Variants in PDGFD observed in about 807,000 individuals in gnomAD.
The protein encoded by PDGFD is platelet derived growth factor D.
PDGFD carries 30 observed loss-of-function variants against 44.7 expected under a neutral mutation model. The observed-to-expected ratio is 0.67, with a 90% confidence interval of 0.50 to 0.91. PDGFD has a LOEUF of 0.91. Ranked by LOEUF, PDGFD falls within the 40% of genes least tolerant of loss-of-function variation. The pLI is 0.00. For missense variants in PDGFD, 445 were observed against 457.8 expected, an observed-to-expected ratio of 0.97 and a Z score of 0.25; for synonymous variants, 173 against 168.4, an observed-to-expected ratio of 1.03 and a Z score of -0.21.
chr11:104,039,993 A>G (rs1224524138), intron 1 of PDGFD, among the ~76,000 whole-genome samples: 1 of 152,240 alleles, frequency 6.6e-6, no homozygotes, highest in Admixed American at 6.5e-5. Context: ...CTTCTGAGGT[A>G]GCTATAATGT....
At chr11:104,004,463 T>C (rs763023010) in intron 1 of PDGFD, among the ~76,000 whole-genome samples, 3 of 152,212 alleles carry the variant, frequency 2.0e-5, no homozygotes, top group Non-Finnish European at 4.4e-5. Context: ...ATAGATTATA[T>C]GCAAACAGTA....
At chr11:104,109,708 T>C (rs570402797) in intron 1 of PDGFD, among the ~76,000 whole-genome samples, 21 of 152,234 alleles carry the variant, frequency 1.4e-4, no homozygotes, top group African/African-American at 4.8e-4. Flanking sequence ...TAGCTAATAA[T>C]TAAAATTAAT....
At chr11:103,918,874 T>C (rs1795034569) in intron 6 of PDGFD, among the ~76,000 whole-genome samples, 1 of 152,160 alleles carries the variant, frequency 6.6e-6, no homozygotes, top group Admixed American at 6.5e-5. Flanking sequence ...AAAGCCTTTA[T>C]CTGAGAAAGC....
At chr11:103,934,672 A>G (rs1480516832) in intron 5 of PDGFD, among the ~76,000 whole-genome samples, 1 of 152,174 alleles carries the variant, frequency 6.6e-6, no homozygotes, top group African/African-American at 2.4e-5. Context: ...CATGTGTGCA[A>G]GTGTAGGGGA....
chr11:103,946,572 GC>G (rs1394426954), intron 4 of PDGFD: 2 of 152,228 alleles, frequency 1.3e-5, no homozygotes, highest in African/African-American at 4.8e-5. Context: ...TGCAAAAACT[GC>G]TGGTGTCTGC....
chr11:104,056,345 T>G (rs2134410193), intron 1 of PDGFD, among the ~76,000 whole-genome samples: 1 of 152,258 alleles, frequency 6.6e-6, no homozygotes, highest in Non-Finnish European at 1.5e-5. Context: ...TACGGTCAAG[T>G]CTTAACCCCG....
intron 3 of PDGFD, among the ~76,000 whole-genome samples, chr11:103,969,138 C>T (rs1009947709): frequency 3.9e-5 from 6 of 152,164 alleles, no homozygotes; most frequent in Middle Eastern, 3.2e-3. Flanking sequence ...CATGCTTACG[C>T]AGCTGCCAGT....
chr11:103,923,972 G>A (rs1219141602), intron 6 of PDGFD, among the ~76,000 whole-genome samples: 1 of 152,168 alleles, frequency 6.6e-6, no homozygotes, highest in African/African-American at 2.4e-5. Flanking sequence ...AAGAGATCAA[G>A]AGTTTTCCCC....
intron 1 of PDGFD, among the ~76,000 whole-genome samples, chr11:104,074,742 C>T (rs1591150731): frequency 6.6e-6 from 1 of 152,090 alleles, no homozygotes; most frequent in African/African-American, 2.4e-5. Flanking sequence ...CAGTGTGATA[C>T]CCATTTTATA....
chr11:103,995,451 A>G (rs1487769811), intron 3 of PDGFD, among the ~76,000 whole-genome samples: 1 of 152,202 alleles, frequency 6.6e-6, no homozygotes, highest in Non-Finnish European at 1.5e-5. Context: ...AACCATTTAC[A>G]GTTGAGAATG....
At chr11:103,954,220 A>G (rs1042872538) in intron 3 of PDGFD, among the ~76,000 whole-genome samples, 9 of 152,354 alleles carry the variant, frequency 5.9e-5, no homozygotes, top group African/African-American at 2.2e-4. Flanking sequence ...ATATATTACA[A>G]GCTAACAAAC....
chr11:103,909,588 T>C lies in PDGFD; in HGVS notation c.*106A>G. 1.4e-6 allele frequency: 2 copies of C among 1,411,344 alleles called. No individual in the cohort carries two copies. The highest frequency in any genetic ancestry group is 2.0e-6 in the Non-Finnish European group (2 of 1,014,474). 87.4% of individuals were successfully genotyped at this position (1,411,344 alleles called of 1,614,324 possible). A position where few individuals can be genotyped will look rare whatever the true frequency, so the allele number is the denominator to read the frequency against. The stretch of plus-strand genomic sequence containing the variant: ...CAGCAACCACTTGTGTTCATTGCAT[T>C]GCAGGCTAGTAGTAAGTTTGGTTGC... On this transcript the variant is annotated 3_prime_UTR_variant, in exon 7 of 7. Coordinates refer to ENST00000393158, the MANE Select transcript of PDGFD (RefSeq NM_025208.5).
At chr11:103,962,660 T>C (rs1858956184) in intron 3 of PDGFD, among the ~76,000 whole-genome samples, 2 of 152,172 alleles carry the variant, frequency 1.3e-5, no homozygotes, top group Non-Finnish European at 2.9e-5. Flanking sequence ...AAAACTGATG[T>C]TGGAGACAGA....
intron 3 of PDGFD, among the ~76,000 whole-genome samples, chr11:103,972,173 C>T (rs1264278302): frequency 6.6e-6 from 1 of 152,190 alleles, no homozygotes; most frequent in Non-Finnish European, 1.5e-5. Context: ...GCATTATTTA[C>T]ACTTCGGGTT....
intron 1 of PDGFD, among the ~76,000 whole-genome samples, chr11:104,076,563 T>C (rs1565327889): frequency 6.6e-6 from 1 of 152,170 alleles, no homozygotes; most frequent in Non-Finnish European, 1.5e-5. Flanking sequence ...CTAACTCAGC[T>C]TTCTGAACCT....
Position 103,908,068 on chromosome 11 carries a change from A to T in PDGFD, c.*1626T>A, listed in dbSNP as rs1857965293. 1 of 152,210 alleles carries T rather than the reference A, an allele frequency of 6.6e-6. No individual in the cohort carries two copies. Among genetic ancestry groups the T allele is most frequent in the Non-Finnish European group, 1.5e-5 (1 of 68,038 alleles). 9.4% of individuals were successfully genotyped at this position (152,210 alleles called of 1,614,324 possible). A position where few individuals can be genotyped will look rare whatever the true frequency, so the allele number is the denominator to read the frequency against. Reference sequence around the variant, plus strand: ...AGTATATTTAGGTCACTCATCTAACACTGGGACTTTACCAGCCCTGTCACC... The same window carrying T: ...AGTATATTTAGGTCACTCATCTAACTCTGGGACTTTACCAGCCCTGTCACC... On this transcript the variant is annotated 3_prime_UTR_variant, in exon 7 of 7. Transcript: ENST00000393158.
intron 1 of PDGFD, among the ~76,000 whole-genome samples, chr11:104,132,520 G>A (rs540229772): frequency 3.0e-4 from 46 of 151,818 alleles, no homozygotes; most frequent in Non-Finnish European, 6.2e-4. Flanking sequence ...TTTCTTCCTG[G>A]CATCTACTAC....
At chr11:104,145,275 T>C (rs1222688762) in intron 1 of PDGFD, among the ~76,000 whole-genome samples, 1 of 152,204 alleles carries the variant, frequency 6.6e-6, no homozygotes, top group African/African-American at 2.4e-5. Flanking sequence ...TAACCAGTGT[T>C]GGTATAAACC....
intron 5 of PDGFD, among the ~76,000 whole-genome samples, chr11:103,927,871 A>G (rs1408951529): frequency 6.6e-6 from 1 of 152,220 alleles, no homozygotes; most frequent in East Asian, 1.9e-4. Context: ...ACATGTAATC[A>G]TTTGAAGAAT....
Sources: allele counts gnomAD v4.1 joint callset (sites outside exome capture counted in the v4.1 genomes callset), GRCh38; gene constraint gnomAD v4.1.1; transcripts MANE v1.5; gene names NCBI Gene and HGNC (gene_info 2026-07-23, HGNC 2026-07-21).